Variants in SLC2A5 observed in about 807,000 individuals in gnomAD.
SLC2A5 encodes the protein solute carrier family 2 member 5.
In SLC2A5, 56 loss-of-function variants were observed where a neutral mutation model predicts 50.3. The observed-to-expected ratio is 1.11, with a 90% CI of 0.90 to 1.39. SLC2A5 has a LOEUF of 1.39. Ranked by LOEUF, SLC2A5 falls within the 40% of genes most tolerant of loss-of-function variation. SLC2A5 has a pLI of 0.00. For synonymous variants in SLC2A5, 269 were observed against 281.9 expected, an observed-to-expected ratio of 0.95 and a Z score of 0.46; for missense variants, 566 against 650.1, an observed-to-expected ratio of 0.87 and a Z score of 1.41.
upstream of SLC2A5, among the ~76,000 whole-genome samples, chr1:9,090,666 A>G (rs1044069880): frequency 2.0e-5 from 3 of 152,218 alleles, no homozygotes; most frequent in Non-Finnish European, 4.4e-5. Flanking sequence ...CTTTTTTACT[A>G]TCCCTCTACA....
chr1:9,087,058 C>T (rs1465522131), intron 1 of SLC2A5, among the ~76,000 whole-genome samples: 2 of 152,170 alleles, frequency 1.3e-5, no homozygotes, highest in Non-Finnish European at 2.9e-5. Flanking sequence ...TATGATAAGT[C>T]CCCTCTTTCA....
chr1:9,039,491 C>G, intron 8 of SLC2A5, 61 bp downstream of exon 8: 3 of 1,275,716 alleles, frequency 2.4e-6, no homozygotes, highest in Non-Finnish European at 3.2e-6. Context: ...GGCGCCGAGG[C>G]TGGGGCGTGG....
Position 9,037,780 on chromosome 1 carries a change from C to A in SLC2A5, c.1312G>T (p.Gly438Cys), listed in dbSNP as rs574081080. 6.2e-6 allele frequency: 10 copies of A among 1,614,128 alleles called. No homozygotes were observed. The highest frequency in any genetic ancestry group is 8.5e-6 in the Non-Finnish European group (10 of 1,180,024). The change falls in exon 12 of 12, where the codon GGC becomes TGC. Residue 438 changes from glycine to cysteine, a missense_variant. Physicochemically the swap from Gly to Cys is radical, Grantham distance 159. Coordinates refer to ENST00000377424, the MANE Select transcript of SLC2A5 (RefSeq NM_003039.3). Reference protein sequence around the residue: ...LIFPFIQEGLGPYSFIVFAVI... With the variant: ...LIFPFIQEGLCPYSFIVFAVI... The stretch of plus-strand genomic sequence containing the variant: ...GCGAAGACAATGAAGCTGTACGGGC[C>A]GAGGCCCTCCTGCGGGAAGAGGGGC...
At chr1:9,057,854 C>T (rs1641802552) in intron 2 of SLC2A5, among the ~76,000 whole-genome samples, 1 of 152,104 alleles carries the variant, frequency 6.6e-6, no homozygotes, top group Admixed American at 6.5e-5. Context: ...GGGATGACTC[C>T]AATTTTCCAA....
chr1:9,082,548 T>TAAA, intron 2 of SLC2A5: 1 of 148,700 alleles, frequency 6.7e-6, no homozygotes. Flanking sequence ...ACCCTGTCTC[T>TAAA]AAAAAAAAAA....
chr1:9,040,350 C>G lies in SLC2A5; in HGVS notation c.572-161G>C, dbSNP rs918255127. 8.6e-6 allele frequency: 7 copies of G among 817,376 alleles called. No homozygotes were observed. The highest frequency in any genetic ancestry group is 1.7e-5 in the African/African-American group (1 of 57,534). 50.6% of individuals were successfully genotyped at this position (817,376 alleles called of 1,614,324 possible). On this transcript the variant is annotated intron_variant, in intron 5 of 11. Transcript: ENST00000377424. The surrounding 1 kb of genome is among the most constrained non-coding windows in gnomAD (Gnocchi z 4.3). ...ACAGCAACTCCCGACGGTGGACACTCGGGAAACACCTGCAGCAGGGATCAG... is the reference window on the plus strand; with the variant it reads ...ACAGCAACTCCCGACGGTGGACACTGGGGAAACACCTGCAGCAGGGATCAG...
chr1:9,090,020 G>C (rs188560043), upstream of SLC2A5, among the ~76,000 whole-genome samples: 1 of 152,122 alleles, frequency 6.6e-6, no homozygotes, highest in Non-Finnish European at 1.5e-5. Context: ...ACATTCATCC[G>C]TTTCTGTTGG....
In SLC2A5 at chr1:9,069,487, C is replaced by G; in HGVS notation, c.33+17G>C. The G allele has an allele frequency of 6.2e-7, 1 of 1,613,722 alleles. No homozygotes were observed. The highest frequency in any genetic ancestry group is 8.5e-7 in the Non-Finnish European group (1 of 1,179,860). ...CCAAGCCTGCTCTTGGCCCCTTTCC[C>G]TGAGCAACACACTCACCCCTTCCTT... On this transcript the variant is annotated intron_variant, in intron 1 of 11. Transcript: ENST00000377424.
At chr1:9,085,131 G>A (rs1642390377) in exon 2 of SLC2A5, 1 of 152,398 alleles carries the variant, frequency 6.6e-6, no homozygotes, top group Non-Finnish European at 1.5e-5. Context: ...TTCCTCCTGG[G>A]ATAATGTGGT....
Position 9,041,864 on chromosome 1 carries a change from C to T in SLC2A5, c.492G>A (p.Val164=). 1 of 1,613,992 alleles carries T rather than the reference C, an allele frequency of 6.2e-7. No individual in the cohort carries two copies. Among genetic ancestry groups the T allele is most frequent in the Non-Finnish European group, 8.5e-7 (1 of 1,179,990 alleles). The change falls in exon 5 of 12, where the codon GTG becomes GTA. Residue 164 remains valine (V), a synonymous_variant. Transcript: ENST00000377424. ...APKNLRGALG[V]VPQLFITVGI... is the part of the protein sequence containing the mutation. ...CAACAGTGATGAAGAGCTGGGGCAC[C>T]ACCCCGAGAGCCCCCCGCAGGTTTT... is the stretch of plus-strand genomic sequence containing the variant.
At chr1:9,060,653 CCACA>C (rs1252438754) in intron 1 of SLC2A5, among the ~76,000 whole-genome samples, 1 of 131,486 alleles carries the variant, frequency 7.6e-6, no homozygotes, top group African/African-American at 2.7e-5. Context: ...CACACACCCC[CCACA>C]CACACACACC....
chr1:9,059,570 C>T (rs1202114252), intron 1 of SLC2A5, among the ~76,000 whole-genome samples: 3 of 100,730 alleles, frequency 3.0e-5, no homozygotes, highest in Non-Finnish European at 5.8e-5. Context: ...ACATTTCTTG[C>T]CCTGGCTGGA....
chr1:9,069,596 T>C lies in SLC2A5; in HGVS notation c.-60A>G. ...CTTTTAGCCAAAGTAACGCGTGCACTGAATGGAGAGAGAAGACATTCTGGG... is the reference window on the plus strand; with the variant it reads ...CTTTTAGCCAAAGTAACGCGTGCACCGAATGGAGAGAGAAGACATTCTGGG... On this transcript the variant is annotated 5_prime_UTR_variant, in exon 1 of 12. Transcript: ENST00000377424. The C allele has an allele frequency of 5.0e-6, 8 of 1,590,858 alleles. No individual in the cohort carries two copies. Among genetic ancestry groups the C allele is most frequent in the Non-Finnish European group, 6.9e-6 (8 of 1,160,154 alleles).
chr1:9,085,989 C>G (rs1337747169), intron 1 of SLC2A5, among the ~76,000 whole-genome samples: 1 of 152,124 alleles, frequency 6.6e-6, no homozygotes. Flanking sequence ...CAGGTACTGC[C>G]CAACAAGAAT....
At chr1:9,057,279 CCAT>C (rs1641779935) in intron 3 of SLC2A5, among the ~76,000 whole-genome samples, 166 bp downstream of exon 3, 1 of 140,872 alleles carries the variant, frequency 7.1e-6, no homozygotes, top group Non-Finnish European at 1.5e-5. Context: ...GAGCAAGACT[CCAT>C]CTCAAAAATT....
intron 4 of SLC2A5, among the ~76,000 whole-genome samples, chr1:9,046,740 C>T (rs867802364): frequency 2.0e-5 from 3 of 151,522 alleles, no homozygotes; most frequent in Non-Finnish European, 4.4e-5. Context: ...CTTTACTACA[C>T]GTAACACTGC....
chr1:9,063,759 G>A (rs1277566614), intron 1 of SLC2A5, among the ~76,000 whole-genome samples: 8 of 108,720 alleles, frequency 7.4e-5, no homozygotes, highest in Non-Finnish European at 1.0e-4. Context: ...GCAGTGGCGC[G>A]ATCTCGGCTC....
In SLC2A5 at chr1:9,038,028, T is replaced by C. The variant is rs377151089; in HGVS notation, c.1175-4A>G. The C allele has an allele frequency of 6.2e-7, 1 of 1,613,514 alleles. No individual in the cohort carries two copies. The highest frequency in any genetic ancestry group is 1.1e-5 in the South Asian group (1 of 91,072). ...ATGAGCAGCGCGGGTATGGGACCTG[T>C]AGGGGGAGGAGAGCAGCCTCCCTGA... On this transcript the variant is annotated splice_polypyrimidine_tract_variant and splice_region_variant and intron_variant, in intron 10 of 11. Transcript: ENST00000377424.
At chr1:9,070,417 G>C (rs1234383891), upstream of SLC2A5, among the ~76,000 whole-genome samples, 14 of 152,012 alleles carry the variant, frequency 9.2e-5, no homozygotes, top group Admixed American at 9.2e-4. Flanking sequence ...GAATGACCTA[G>C]GGATGTTACT....
Sources: allele counts gnomAD v4.1 joint callset (sites outside exome capture counted in the v4.1 genomes callset), GRCh38; gene constraint gnomAD v4.1.1; non-coding constraint Gnocchi (gnomAD v3.1); transcripts MANE v1.5; gene names NCBI Gene and HGNC (gene_info 2026-07-23, HGNC 2026-07-21).